The following RANBP17 variants were observed in gnomAD, a reference collection of about 807,000 sequenced individuals.
RANBP17 encodes the protein RAN binding protein 17.
Under a neutral mutation model 141.2 loss-of-function variants are expected in RANBP17, and 158 were observed. That is an observed-to-expected ratio of 1.12 (90% confidence interval 0.98 to 1.28). The LOEUF (loss-of-function observed/expected upper bound fraction) is 1.28, where lower values mean the gene tolerates loss of function less well. Among genes scored for constraint, RANBP17 ranks in the 50% most tolerant of loss-of-function variants. The probability of loss-of-function intolerance (pLI) is 0.00; values close to 1 mark genes in which losing one functional copy is unlikely to be tolerated. For missense variants in RANBP17, 1,438 were observed against 1,290.7 expected (o/e 1.11, Z -1.75); for synonymous variants, 430 against 450.0 (o/e 0.96, Z 0.56).
At chr5:171,063,554 G>T (rs972808073) in intron 14 of RANBP17, among the ~76,000 whole-genome samples, 4 of 152,270 alleles carry the variant, frequency 2.6e-5, no homozygotes, top group Middle Eastern at 3.4e-3. Context: ...GCCGTGTGAG[G>T]TGTCAGTCTG....
At chr5:171,213,557 G>C in intron 20 of RANBP17, 74 bp from the exon 21 acceptor site, 1 of 962,832 alleles carries the variant, frequency 1.0e-6, no homozygotes, top group East Asian at 2.4e-5. Context: ...TTGTGTGTGT[G>C]TATGTGTGTG....
chr5:170,907,296 G>T (rs1016219944), intron 5 of RANBP17, among the ~76,000 whole-genome samples: 2 of 131,066 alleles, frequency 1.5e-5, no homozygotes, highest in Non-Finnish European at 3.4e-5. Flanking sequence ...ATAGAAAATG[G>T]ATGTGCAATC....
intron 14 of RANBP17, among the ~76,000 whole-genome samples, chr5:171,150,547 C>T (rs894583553): frequency 1.3e-5 from 2 of 151,760 alleles, no homozygotes; most frequent in African/African-American, 4.8e-5. Context: ...TTTATAAATA[C>T]CTTTTTGCAC....
chr5:170,930,319 T>C (rs1773244793), intron 12 of RANBP17, among the ~76,000 whole-genome samples: 1 of 151,960 alleles, frequency 6.6e-6, no homozygotes, highest in African/African-American at 2.4e-5. Context: ...AACATTACTT[T>C]AGTTGTTTAA....
intron 13 of RANBP17, 105 bp from the exon 14 acceptor site, chr5:170,968,136 CT>C: frequency 3.8e-6 from 3 of 779,766 alleles, no homozygotes; most frequent in Non-Finnish European, 5.7e-6. Flanking sequence ...TATTTTCCCA[CT>C]TTTTACAGTG....
intron 13 of RANBP17, among the ~76,000 whole-genome samples, chr5:170,965,609 C>T (rs2127524027): frequency 6.6e-6 from 1 of 152,260 alleles, no homozygotes; most frequent in Non-Finnish European, 1.5e-5. Flanking sequence ...TTTCAGCTTT[C>T]TATATATGGC....
Position 170,945,567 on chromosome 5 carries a change from G to A in RANBP17, c.1469-8030G>A, listed in dbSNP as rs116033034. Among the ~76,000 whole-genome samples the A allele has an allele frequency of 2.8e-3, 426 of 152,182 alleles. 3 individuals are homozygous for A. The highest frequency in any genetic ancestry group is 9.5e-3 in the African/African-American group (396 of 41,520). On this transcript the variant is annotated intron_variant, in intron 12 of 27. Transcript: ENST00000523189. ...TACTAGAGGCAGGATTTGAACCTAGGCTGTGTTCTTATTAGCTAAATTGTA... is the reference window on the plus strand; with the variant it reads ...TACTAGAGGCAGGATTTGAACCTAGACTGTGTTCTTATTAGCTAAATTGTA...
At chr5:171,239,096 C>CTA (rs772670534) in intron 22 of RANBP17, among the ~76,000 whole-genome samples, 1 of 152,094 alleles carries the variant, frequency 6.6e-6, no homozygotes, top group Non-Finnish European at 1.5e-5. Context: ...CTTTATGCAA[C>CTA]TATTGTTATC....
At chr5:170,939,729 G>T (rs922723620) in intron 12 of RANBP17, among the ~76,000 whole-genome samples, 3 of 152,110 alleles carry the variant, frequency 2.0e-5, no homozygotes, top group African/African-American at 7.2e-5. Flanking sequence ...ACAAAATAAG[G>T]ATTATGTGTA....
At chr5:171,253,018 C>G in intron 24 of RANBP17, 1 of 1,107,292 alleles carries the variant, frequency 9.0e-7, no homozygotes, top group Non-Finnish European at 1.4e-6. Flanking sequence ...ATACTTTCTG[C>G]CGCATTTCTT....
chr5:171,125,169 T>A (rs918171762), intron 14 of RANBP17, among the ~76,000 whole-genome samples: 4 of 151,936 alleles, frequency 2.6e-5, no homozygotes, highest in Non-Finnish European at 4.4e-5. Flanking sequence ...TGGTGGCAGA[T>A]GCCTATAATC....
At chr5:171,251,720 C>T (rs1483442682) in intron 24 of RANBP17, 3 of 675,690 alleles carry the variant, frequency 4.4e-6, no homozygotes, top group Non-Finnish European at 5.2e-6. Context: ...TCGGGGTCCA[C>T]CCGCGGGCTG....
In RANBP17 at chr5:170,975,149, G is replaced by A. The variant is rs114379669; in HGVS notation, c.1710+6772G>A. Among the ~76,000 whole-genome samples the A allele has an allele frequency of 5.1e-3, 773 of 152,214 alleles. 7 individuals carry two copies. The highest frequency in any genetic ancestry group is 0.018 in the African/African-American group (744 of 41,558). ...CTTTAAGTTCTCTTTCCTTTTGATT[G>A]ACCATTTTGTCTTTAAATCATTTTT... On this transcript the variant is annotated intron_variant, in intron 14 of 27. Coordinates refer to ENST00000523189, the MANE Select transcript of RANBP17 (RefSeq NM_022897.5).
At chr5:171,002,541 A>C (rs1779286769) in intron 14 of RANBP17, among the ~76,000 whole-genome samples, 2 of 152,142 alleles carry the variant, frequency 1.3e-5, no homozygotes, top group Non-Finnish European at 2.9e-5. Context: ...CAGCCTATAT[A>C]ACAGCATGGT....
At chr5:171,177,794 A>T (rs897809930) in intron 16 of RANBP17, among the ~76,000 whole-genome samples, 2 of 152,124 alleles carry the variant, frequency 1.3e-5, no homozygotes, top group African/African-American at 2.4e-5. Flanking sequence ...AATGTAATAT[A>T]GTTTAGTATT....
chr5:171,193,619 G>A (rs893397442), intron 18 of RANBP17, among the ~76,000 whole-genome samples: 3 of 152,116 alleles, frequency 2.0e-5, no homozygotes, highest in Non-Finnish European at 4.4e-5. Flanking sequence ...GTGTCAGCAG[G>A]GCTCTAAGGA....
At chr5:171,095,258 G>A (rs944053963) in intron 14 of RANBP17, among the ~76,000 whole-genome samples, 2 of 152,090 alleles carry the variant, frequency 1.3e-5, no homozygotes, top group African/African-American at 4.8e-5. Flanking sequence ...TGAAGAGTTC[G>A]TAATGCCATC....
chr5:170,935,369 TGGA>T (rs1199234193), intron 12 of RANBP17, among the ~76,000 whole-genome samples: 2 of 152,242 alleles, frequency 1.3e-5, no homozygotes, highest in Non-Finnish European at 2.9e-5. Context: ...TGCGTTCCTT[TGGA>T]GGAGAAGAGA....
At chr5:170,899,635 G>C (rs934210837) in intron 5 of RANBP17, among the ~76,000 whole-genome samples, 2 of 152,146 alleles carry the variant, frequency 1.3e-5, no homozygotes, top group African/African-American at 4.8e-5. Flanking sequence ...TGCCCATCCA[G>C]TATGATATTG....
Sources: gnomAD v4.1 joint callset for allele counts (sites outside exome capture counted in the v4.1 genomes callset) on GRCh38, gnomAD v4.1.1 for gene constraint, MANE v1.5 for transcripts, NCBI Gene and HGNC (gene_info 2026-07-23, HGNC 2026-07-21) for gene names.